The following LOC400499 variants were observed in gnomAD, a reference collection of about 807,000 sequenced individuals.
At chr16:11,427,758 T>C in the LOC400499 span, among the ~76,000 whole-genome samples, 1 of 152,184 alleles carries the variant, frequency 6.6e-6, no homozygotes, top group African/African-American at 2.4e-5. Context: ...GATGTGCACA[T>C]TTCTTTTTAT....
At chr16:11,513,341 G>C in the LOC400499 span, among the ~76,000 whole-genome samples, 10 of 149,738 alleles carry the variant, frequency 6.7e-5, no homozygotes, top group African/African-American at 2.5e-4. Context: ...GGGAGGTTGA[G>C]ACTACAGTGA....
the LOC400499 span, among the ~76,000 whole-genome samples, chr16:11,496,674 G>A: frequency 6.6e-6 from 1 of 152,194 alleles, no homozygotes; most frequent in Admixed American, 6.5e-5. Context: ...AGGTGCGTGT[G>A]TGTGTACTGT....
the LOC400499 span, among the ~76,000 whole-genome samples, chr16:11,506,540 C>T: frequency 1.3e-5 from 2 of 152,184 alleles, no homozygotes; most frequent in Admixed American, 6.5e-5. Context: ...CTCTCCCAGG[C>T]ATCCTTCCTG....
the LOC400499 span, chr16:11,385,065 C>A: frequency 8.1e-7 from 1 of 1,231,806 alleles, no homozygotes. Context: ...AGCCTGTAGG[C>A]CTGTGGGCCA....
the LOC400499 span, among the ~76,000 whole-genome samples, chr16:11,442,898 G>A: frequency 1.3e-5 from 2 of 152,118 alleles, no homozygotes. Flanking sequence ...TCCAATAACT[G>A]TACTACCTTA....
the LOC400499 span, among the ~76,000 whole-genome samples, chr16:11,503,353 TAGG>T: frequency 6.6e-6 from 1 of 152,214 alleles, no homozygotes; most frequent in African/African-American, 2.4e-5. Flanking sequence ...CCCCTGGGTT[TAGG>T]AGATGTTTAG....
the LOC400499 span, among the ~76,000 whole-genome samples, chr16:11,474,516 T>C: frequency 2.0e-5 from 3 of 152,190 alleles, no homozygotes; most frequent in Non-Finnish European, 4.4e-5. Context: ...TTTGGTTTGC[T>C]TGTATAGGGT....
chr16:11,435,174 G>A, the LOC400499 span, among the ~76,000 whole-genome samples: 11 of 151,714 alleles, frequency 7.3e-5, no homozygotes, highest in East Asian at 2.1e-3. Context: ...TACAGATGGG[G>A]TCTATGTTGT....
At chr16:11,448,074 C>T in the LOC400499 span, 1 of 1,533,926 alleles carries the variant, frequency 6.5e-7, no homozygotes, top group Non-Finnish European at 8.7e-7. Context: ...TCTTCCGGGG[C>T]TGCAACAAGA....
the LOC400499 span, among the ~76,000 whole-genome samples, chr16:11,397,771 G>A: frequency 3.4e-5 from 1 of 28,992 alleles, no homozygotes; most frequent in East Asian, 8.2e-4. Flanking sequence ...GGGAGGGAGG[G>A]ATGGAGGGAG....
chr16:11,480,119 G>A, the LOC400499 span, among the ~76,000 whole-genome samples: 1 of 152,150 alleles, frequency 6.6e-6, no homozygotes, highest in South Asian at 2.1e-4. Flanking sequence ...GTCCGCCACA[G>A]TCCCCACCAC....
At chr16:11,460,956 T>C in the LOC400499 span, 145 of 1,524,296 alleles carry the variant, frequency 9.5e-5, no homozygotes, top group Non-Finnish European at 1.2e-4. Flanking sequence ...AGGCACGCAG[T>C]GCCTTACCCA....
the LOC400499 span, among the ~76,000 whole-genome samples, chr16:11,501,866 G>A: frequency 6.6e-6 from 1 of 152,172 alleles, no homozygotes; most frequent in East Asian, 1.9e-4. Context: ...GCAGGATAGA[G>A]CTTGGACCCC....
chr16:11,483,294 C>T, the LOC400499 span, among the ~76,000 whole-genome samples: 2 of 152,126 alleles, frequency 1.3e-5, no homozygotes, highest in African/African-American at 4.8e-5. Flanking sequence ...TATGATCTAG[C>T]CACACCTACT....
the LOC400499 span, chr16:11,478,600 C>T: frequency 2.5e-6 from 1 of 398,976 alleles, no homozygotes; most frequent in Non-Finnish European, 4.4e-6. Context: ...CGTGGCCCCG[C>T]AGTTCACAAA....
At chr16:11,436,518 C>A in the LOC400499 span, among the ~76,000 whole-genome samples, 1 of 152,186 alleles carries the variant, frequency 6.6e-6, no homozygotes, top group African/African-American at 2.4e-5. Flanking sequence ...GTTTCCCCAT[C>A]TGCAAAGCAG....
the LOC400499 span, chr16:11,402,189 G>C: frequency 5.0e-6 from 2 of 398,988 alleles, no homozygotes; most frequent in African/African-American, 4.1e-5. Context: ...ACAAAGGGTA[G>C]GGCACGTGAG....
chr16:11,438,235 C>G, the LOC400499 span, among the ~76,000 whole-genome samples: 1 of 152,164 alleles, frequency 6.6e-6, no homozygotes, highest in Non-Finnish European at 1.5e-5. Flanking sequence ...GACATTTCCT[C>G]CAATCTAAGA....
chr16:11,374,533 T>C, the LOC400499 span, among the ~76,000 whole-genome samples: 1 of 152,226 alleles, frequency 6.6e-6, no homozygotes, highest in Non-Finnish European at 1.5e-5. Context: ...TTTCTGTCTC[T>C]ATGAAACTTA....
Sources: allele counts gnomAD v4.1 joint callset (sites outside exome capture counted in the v4.1 genomes callset), GRCh38; gene constraint gnomAD v4.1.1; transcripts MANE v1.5.